The following ADCY9 variants were observed in gnomAD, a reference collection of about 807,000 sequenced individuals.
The protein encoded by ADCY9 is adenylate cyclase type 9.
ADCY9 carries 50 observed loss-of-function variants against 101.5 expected under a neutral mutation model. That is an observed-to-expected ratio of 0.49 (90% CI 0.39 to 0.62). The LOEUF is 0.62. ADCY9 is among the 20% of genes least tolerant of loss of function. The probability of loss-of-function intolerance (pLI) is 0.00; values close to 1 mark genes in which losing one functional copy is unlikely to be tolerated. For synonymous variants in ADCY9, 905 were observed against 769.3 expected, an observed-to-expected ratio of 1.18 and a Z score of -2.92; for missense variants, 1,662 against 1,800.4, an observed-to-expected ratio of 0.92 and a Z score of 1.39.
chr16:3,965,891 C>T lies in ADCY9; in HGVS notation c.3946G>A (p.Val1316Ile), dbSNP rs764041960. 6.2e-6 allele frequency: 10 copies of T among 1,614,088 alleles called. No homozygotes were observed. In the African/African-American group the frequency reaches 6.7e-5, roughly 11 times the overall value. ...LSPKRPWKEP[V>I]KAEERGRFGK... ...AATCGACCCCTTTCTTCGGCTTTGA[C>T]GGGCTCCTTCCACGGTCTCTTGGGG... Residue 1316 changes from valine to isoleucine, a missense_variant, in exon 11 of 11, where the codon GTC (valine) becomes ATC (isoleucine). Val to Ile is a conservative substitution (Grantham distance 29). This residue lies in a region of ADCY9 where 168 missense variants were observed against 155.3 expected (regional missense o/e 1.08). Coordinates refer to ENST00000294016, the MANE Select transcript of ADCY9 (RefSeq NM_001116.4).
chr16:3,979,234 C>T lies in ADCY9; in HGVS notation c.2561G>A (p.Arg854His), dbSNP rs142198070. Reference protein sequence around the residue: ...FLEDVMACTKRLLEWIAGWLP... With the variant: ...FLEDVMACTKHLLEWIAGWLP... ...CCAGCCGGCGATCCACTCCAGCAGG[C>T]GCTTGGTGCAGGCCATGACGTCCTC... Residue 854 changes from arginine to histidine, a missense_variant, in exon 8 of 11, where the codon CGC becomes CAC. Arg to His is a conservative substitution (Grantham distance 29, BLOSUM62 0). Coordinates refer to ENST00000294016, the MANE Select transcript of ADCY9 (RefSeq NM_001116.4). 1.9e-5 allele frequency: 30 copies of T among 1,613,928 alleles called. No individual in the cohort carries two copies. Among genetic ancestry groups the T allele is most frequent in the African/African-American group, 4.0e-5 (3 of 74,930 alleles).
intron 2 of ADCY9, among the ~76,000 whole-genome samples, chr16:4,111,660 G>C (rs2057114679): frequency 6.6e-6 from 1 of 152,134 alleles, no homozygotes; most frequent in Non-Finnish European, 1.5e-5. Context: ...CGTGGTCTCA[G>C]AGAAAGAGCT....
rs748430579 is a variant in ADCY9, at chr16:3,979,280, G to A, written c.2520-5C>T. ...TCCTCCAGGAAGAACACCATCCTGCGAGAGGCATGGGGGTTAGCAGGAGCG... is the reference window on the plus strand; with the variant it reads ...TCCTCCAGGAAGAACACCATCCTGCAAGAGGCATGGGGGTTAGCAGGAGCG... On this transcript the variant is annotated splice_polypyrimidine_tract_variant and splice_region_variant and intron_variant, in intron 7 of 10. Transcript: ENST00000294016. The A allele has an allele frequency of 2.0e-5, 33 of 1,613,388 alleles. No individual in the cohort carries two copies. The highest frequency in any genetic ancestry group is 3.3e-5 in the Admixed American group (2 of 59,990).
At chr16:4,014,795 C>CT (rs2056427025) in intron 2 of ADCY9, among the ~76,000 whole-genome samples, 2 of 151,112 alleles carry the variant, frequency 1.3e-5, no homozygotes, top group Non-Finnish European at 3.0e-5. Flanking sequence ...CTCTCTCTCC[C>CT]TCCCGCTTCC....
intron 8 of ADCY9, 67 bp from the exon 9 acceptor site, chr16:3,977,697 C>T: frequency 6.5e-7 from 1 of 1,537,370 alleles, no homozygotes; most frequent in Non-Finnish European, 8.8e-7. Flanking sequence ...TACCCGGCCG[C>T]CAAAACATTC....
At chr16:4,052,985 C>G (rs999313452) in intron 2 of ADCY9, among the ~76,000 whole-genome samples, 1 of 152,204 alleles carries the variant, frequency 6.6e-6, no homozygotes, top group South Asian at 2.1e-4. Context: ...GAGTCACATG[C>G]TGTTATTCTT....
chr16:3,958,673 C>CTTTTTTTTTTTTTTTT (rs1207846349), downstream of ADCY9, among the ~76,000 whole-genome samples: 3 of 102,998 alleles, frequency 2.9e-5, no homozygotes, highest in African/African-American at 1.2e-4. Flanking sequence ...TCGTCGGTTA[C>CTTTTTTTTTTTTTTTT]TTTTTTTTTT....
chr16:4,059,391 A>G (rs937012688), intron 2 of ADCY9, among the ~76,000 whole-genome samples: 7 of 151,574 alleles, frequency 4.6e-5, no homozygotes, highest in Non-Finnish European at 7.4e-5. Flanking sequence ...AAAAAAAAAA[A>G]AAAGAAAAAA....
intron 3 of ADCY9, among the ~76,000 whole-genome samples, chr16:4,003,458 C>T (rs773543970): frequency 3.3e-5 from 5 of 152,128 alleles, no homozygotes; most frequent in Admixed American, 6.6e-5. Flanking sequence ...GGCACCATTC[C>T]GGCTCATCTC....
chr16:3,994,091 TG>T (rs1487456384), intron 3 of ADCY9, among the ~76,000 whole-genome samples: 2 of 151,960 alleles, frequency 1.3e-5, no homozygotes, highest in African/African-American at 2.4e-5. Flanking sequence ...GGGATGGCAT[TG>T]GGGGGCAAAG....
chr16:4,063,826 A>G (rs1807598414), intron 2 of ADCY9, among the ~76,000 whole-genome samples: 1 of 152,190 alleles, frequency 6.6e-6, no homozygotes, highest in African/African-American at 2.4e-5. Flanking sequence ...CCAGAAATCA[A>G]TGAATTAGGG....
At chr16:3,973,473 C>A (rs1227352719) in intron 10 of ADCY9, among the ~76,000 whole-genome samples, 1 of 152,138 alleles carries the variant, frequency 6.6e-6, no homozygotes, top group African/African-American at 2.4e-5. Flanking sequence ...TCCCAAAGTG[C>A]TGGAATTACA....
chr16:4,005,994 G>A (rs943411278), intron 3 of ADCY9, among the ~76,000 whole-genome samples: 1 of 152,132 alleles, frequency 6.6e-6, no homozygotes, highest in East Asian at 1.9e-4. Flanking sequence ...CAGGCAAGGC[G>A]GCTGTCTCTA....
intron 2 of ADCY9, among the ~76,000 whole-genome samples, chr16:4,078,424 G>A (rs571794406): frequency 1.0e-3 from 158 of 152,130 alleles, no homozygotes; most frequent in Non-Finnish European, 2.0e-3. Flanking sequence ...TTAGCCAGGT[G>A]TGGTGGTGTA....
intron 2 of ADCY9, among the ~76,000 whole-genome samples, chr16:4,062,560 T>C (rs995051979): frequency 3.9e-5 from 6 of 152,050 alleles, no homozygotes; most frequent in African/African-American, 1.4e-4. Context: ...TATAATAATA[T>C]CAAAGTAAGT....
intron 2 of ADCY9, among the ~76,000 whole-genome samples, chr16:4,026,693 C>A (rs1227272093): frequency 6.6e-6 from 1 of 152,092 alleles, no homozygotes; most frequent in Non-Finnish European, 1.5e-5. Flanking sequence ...CATGCAGCAT[C>A]CAGGACGAAT....
intron 2 of ADCY9, among the ~76,000 whole-genome samples, chr16:4,092,364 T>C (rs2056979042): frequency 6.6e-6 from 1 of 152,210 alleles, no homozygotes. Context: ...CTACAGTGAC[T>C]CCTACCAGAC....
intron 6 of ADCY9, among the ~76,000 whole-genome samples, chr16:3,985,288 C>A (rs920409325): frequency 1.3e-5 from 2 of 151,956 alleles, no homozygotes; most frequent in African/African-American, 4.8e-5. Context: ...GACAGGCACC[C>A]GCCACCACGC....
chr16:3,959,262 G>A (rs1469943179), downstream of ADCY9, among the ~76,000 whole-genome samples: 2 of 151,750 alleles, frequency 1.3e-5, no homozygotes, highest in Admixed American at 6.6e-5. Context: ...TTAGGAGGCA[G>A]AGACAGGAGG....
Sources: gnomAD v4.1 joint callset for allele counts (sites outside exome capture counted in the v4.1 genomes callset) on GRCh38, gnomAD v4.1.1 for gene constraint, gnomAD v4.1.1 regional missense constraint, MANE v1.5 for transcripts, NCBI Gene and HGNC (gene_info 2026-07-23, HGNC 2026-07-21) for gene names.